The following MRPS28 variants were observed in gnomAD, a reference collection of about 807,000 sequenced individuals.
MRPS28 encodes the protein small ribosomal subunit protein bS1m.
MRPS28 carries 7 observed loss-of-function variants against 10.8 expected under a neutral mutation model. The ratio of observed to expected loss-of-function variants is 0.65; its 90% confidence interval spans 0.37 to 1.22. The LOEUF (loss-of-function observed/expected upper bound fraction) is 1.22, where lower values mean the gene tolerates loss of function less well. Among genes scored for constraint, MRPS28 ranks in the 50% most tolerant of loss-of-function variants. MRPS28 has a pLI of 0.02. For synonymous variants in MRPS28, 121 were observed against 93.3 expected, an observed-to-expected ratio of 1.30 and a Z score of -1.71; for missense variants, 265 against 232.9, an observed-to-expected ratio of 1.14 and a Z score of -0.90.
chr8:79,990,089 A>C (rs1808315891), intron 2 of MRPS28, among the ~76,000 whole-genome samples: 1 of 152,202 alleles, frequency 6.6e-6, no homozygotes, highest in Non-Finnish European at 1.5e-5. Context: ...TGAGCCCAGG[A>C]GGTGGAGGTT....
At chr8:79,958,238 C>G in intron 2 of MRPS28, 1 of 579,964 alleles carries the variant, frequency 1.7e-6, no homozygotes, top group Admixed American at 3.2e-5. Context: ...CTGAACATTT[C>G]ATATAAATGG....
intron 2 of MRPS28, among the ~76,000 whole-genome samples, chr8:79,932,774 G>A (rs1422447700): frequency 2.0e-5 from 3 of 152,180 alleles, no homozygotes; most frequent in African/African-American, 7.2e-5. Context: ...GTGCTGGCAC[G>A]CCACATTCCC....
intron 2 of MRPS28, among the ~76,000 whole-genome samples, chr8:79,936,030 A>C (rs1223574265): frequency 6.6e-6 from 1 of 151,616 alleles, no homozygotes; most frequent in African/African-American, 2.4e-5. Flanking sequence ...TGCTATTAAT[A>C]TTAAATATAA....
At chr8:80,014,847 T>C (rs1365193) in intron 1 of MRPS28, among the ~76,000 whole-genome samples, 32,252 of 152,122 alleles carry the variant, frequency 0.21, 3,921 homozygotes, top group South Asian at 0.31. Flanking sequence ...CATTTGGCAA[T>C]GTCTGGAGAT....
chr8:79,932,547 A>G (rs1806490175), intron 2 of MRPS28, among the ~76,000 whole-genome samples: 1 of 152,224 alleles, frequency 6.6e-6, no homozygotes, highest in Non-Finnish European at 1.5e-5. Flanking sequence ...GTAAGGCTTC[A>G]TACACCAAAG....
intron 1 of MRPS28, among the ~76,000 whole-genome samples, chr8:80,003,671 C>A (rs1447143897): frequency 1.3e-5 from 2 of 152,168 alleles, no homozygotes; most frequent in Non-Finnish European, 2.9e-5. Context: ...GTGCAGCCCA[C>A]CGAGTGTGAG....
At chr8:79,992,026 T>C (rs961972269) in intron 2 of MRPS28, among the ~76,000 whole-genome samples, 8 of 151,534 alleles carry the variant, frequency 5.3e-5, no homozygotes, top group Admixed American at 2.0e-4. Context: ...ATGGTGAGAT[T>C]CATGTGCCAA....
intron 2 of MRPS28, among the ~76,000 whole-genome samples, chr8:79,921,315 A>T (rs1242774978): frequency 6.6e-6 from 1 of 151,992 alleles, no homozygotes; most frequent in Non-Finnish European, 1.5e-5. Context: ...AGTTTTTTCC[A>T]ATTCTGTGAA....
intron 2 of MRPS28, among the ~76,000 whole-genome samples, chr8:79,967,975 C>T (rs916535788): frequency 6.6e-6 from 1 of 151,944 alleles, no homozygotes; most frequent in Admixed American, 6.6e-5. Flanking sequence ...GTGAGTATGG[C>T]AAAATAATGC....
chr8:79,972,680 GA>G (rs1563530018), intron 2 of MRPS28, among the ~76,000 whole-genome samples: 1 of 152,060 alleles, frequency 6.6e-6, no homozygotes, highest in Non-Finnish European at 1.5e-5. Flanking sequence ...GGTAACTGAA[GA>G]AAAAAACCCA....
At chr8:80,000,817 G>A (rs1461981231) in intron 2 of MRPS28, among the ~76,000 whole-genome samples, 1 of 152,120 alleles carries the variant, frequency 6.6e-6, no homozygotes, top group Non-Finnish European at 1.5e-5. Flanking sequence ...CTTGAGCCCA[G>A]GAGTTCAAGT....
At chr8:79,919,497 C>T (rs978544978) in intron 2 of MRPS28, among the ~76,000 whole-genome samples, 3 of 152,140 alleles carry the variant, frequency 2.0e-5, no homozygotes, top group Non-Finnish European at 4.4e-5. Context: ...TGTACCACCA[C>T]GGCCAGCTAA....
intron 2 of MRPS28, among the ~76,000 whole-genome samples, chr8:80,000,054 C>T (rs1808619371): frequency 6.6e-6 from 1 of 152,246 alleles, no homozygotes; most frequent in South Asian, 2.1e-4. Flanking sequence ...GCCTCCTTCC[C>T]CCATTTGCAT....
chr8:79,998,811 G>T (rs2130146312), intron 2 of MRPS28, among the ~76,000 whole-genome samples: 1 of 152,190 alleles, frequency 6.6e-6, no homozygotes, highest in South Asian at 2.1e-4. Context: ...GAACTTAAAA[G>T]GCTATTATTT....
At chr8:79,998,054 C>CAAAAA (rs35716562) in intron 2 of MRPS28, among the ~76,000 whole-genome samples, 2 of 131,080 alleles carry the variant, frequency 1.5e-5, no homozygotes. Flanking sequence ...GACTCTGTCT[C>CAAAAA]AAAAAAAAAA....
intron 2 of MRPS28, among the ~76,000 whole-genome samples, chr8:79,949,740 A>G (rs1807033735): frequency 6.6e-6 from 1 of 152,190 alleles, no homozygotes; most frequent in Non-Finnish European, 1.5e-5. Context: ...TTGATGAAAA[A>G]GGATTTGTCA....
chr8:80,017,843 T>C (rs1006435501), intron 1 of MRPS28, among the ~76,000 whole-genome samples: 3 of 152,152 alleles, frequency 2.0e-5, no homozygotes, highest in African/African-American at 7.2e-5. Flanking sequence ...CTCAACAGAA[T>C]ATTAGCAAAT....
chr8:79,940,406 G>A (rs1586047324), intron 2 of MRPS28, among the ~76,000 whole-genome samples: 1 of 152,330 alleles, frequency 6.6e-6, no homozygotes, highest in Admixed American at 6.5e-5. Context: ...TCCAGGAAAT[G>A]AAGTATGGTG....
intron 2 of MRPS28, among the ~76,000 whole-genome samples, chr8:79,923,913 T>C (rs949258158): frequency 6.6e-5 from 10 of 152,190 alleles, no homozygotes; most frequent in African/African-American, 2.2e-4. Flanking sequence ...GTTTAAAGAC[T>C]TTCCTTTGGA....
Sources: gnomAD v4.1 joint callset for allele counts (sites outside exome capture counted in the v4.1 genomes callset) on GRCh38, gnomAD v4.1.1 for gene constraint, MANE v1.5 for transcripts, NCBI Gene and HGNC (gene_info 2026-07-23, HGNC 2026-07-21) for gene names.